Variants in NFIB observed in about 807,000 individuals in gnomAD.
NFIB encodes the protein nuclear factor I B, also known as nuclear factor 1 B-type.
NFIB carries 11 observed loss-of-function variants against 61.5 expected under a neutral mutation model. The observed-to-expected ratio is 0.18, with a 90% confidence interval of 0.11 to 0.30. The LOEUF is 0.30. Ranked by LOEUF, NFIB falls within the 10% of genes least tolerant of loss-of-function variation. The probability of loss-of-function intolerance (pLI) is 1.00; values close to 1 mark genes in which losing one functional copy is unlikely to be tolerated. For missense variants in NFIB, 471 were observed against 608.9 expected, an observed-to-expected ratio of 0.77 and a Z score of 2.38; for synonymous variants, 260 against 216.5, an observed-to-expected ratio of 1.20 and a Z score of -1.76.
intron 1 of NFIB, among the ~76,000 whole-genome samples, chr9:14,375,560 A>T (rs1234977344): frequency 1.3e-5 from 2 of 152,132 alleles, no homozygotes; most frequent in Non-Finnish European, 2.9e-5. Context: ...TGGGAGGCCG[A>T]GGCAGAAGAA....
the NFIB span, among the ~76,000 whole-genome samples, chr9:14,528,774 G>C: frequency 6.6e-6 from 1 of 152,094 alleles, no homozygotes; most frequent in South Asian, 2.1e-4. Context: ...GTACAAAATA[G>C]AATGGAAAGT....
chr9:14,450,444 T>TC, the NFIB span, among the ~76,000 whole-genome samples: 1 of 152,218 alleles, frequency 6.6e-6, no homozygotes, highest in Non-Finnish European at 1.5e-5. Flanking sequence ...TCAAGAACTT[T>TC]CCCCAAGTCT....
chr9:14,394,988 C>T (rs2061665977), intron 1 of NFIB, among the ~76,000 whole-genome samples: 1 of 151,994 alleles, frequency 6.6e-6, no homozygotes, highest in Admixed American at 6.6e-5. Flanking sequence ...TCCCTTATAA[C>T]CTCCTCTGGT....
At chr9:14,142,353 CG>C (rs897986991) in intron 6 of NFIB, among the ~76,000 whole-genome samples, 62 of 152,120 alleles carry the variant, frequency 4.1e-4, no homozygotes, top group African/African-American at 1.5e-3. Flanking sequence ...CCATATAAGA[CG>C]TGACTTGCTC....
chr9:14,526,660 T>C, the NFIB span, among the ~76,000 whole-genome samples: 3 of 152,190 alleles, frequency 2.0e-5, no homozygotes, highest in Non-Finnish European at 2.9e-5. Context: ...AATCACAGCA[T>C]AGAAAATAAC....
chr9:14,271,727 C>A (rs75810523), intron 2 of NFIB, among the ~76,000 whole-genome samples: 1 of 152,228 alleles, frequency 6.6e-6, no homozygotes, highest in East Asian at 1.9e-4. Context: ...GATTAGGGAA[C>A]CTCATGGAAA....
intron 2 of NFIB, among the ~76,000 whole-genome samples, chr9:14,206,952 A>C (rs1307698941): frequency 6.6e-6 from 1 of 152,178 alleles, no homozygotes; most frequent in African/African-American, 2.4e-5. Flanking sequence ...CCACTATTCC[A>C]TACATTGTAT....
intron 3 of NFIB, among the ~76,000 whole-genome samples, chr9:14,164,182 C>T (rs778881412): frequency 6.6e-6 from 1 of 151,222 alleles, no homozygotes; most frequent in Non-Finnish European, 1.5e-5. Context: ...GACAGAAAAA[C>T]CACTTCCATG....
chr9:14,315,475 C>G (rs1212012920), upstream of NFIB, among the ~76,000 whole-genome samples: 1 of 147,610 alleles, frequency 6.8e-6, no homozygotes. Context: ...CCCGGGGCGC[C>G]GGCGGAAAGC....
chr9:14,147,460 A>G (rs945743874), intron 5 of NFIB, among the ~76,000 whole-genome samples: 1 of 152,024 alleles, frequency 6.6e-6, no homozygotes, highest in Non-Finnish European at 1.5e-5. Context: ...TCAAATAGTA[A>G]TTCTTAGTAA....
the NFIB span, among the ~76,000 whole-genome samples, chr9:14,492,756 T>C: frequency 1.3e-5 from 2 of 152,010 alleles, no homozygotes; most frequent in African/African-American, 4.8e-5. Context: ...AACATGAGAT[T>C]TGGGTGAAGA....
rs549342201 is a variant in NFIB, at chr9:14,295,009, T to C, written c.562+11980A>G. On this transcript the variant is annotated intron_variant, in intron 2 of 10. Coordinates refer to ENST00000380953, the MANE Select transcript of NFIB (RefSeq NM_001190737.2). Reference sequence around the variant, plus strand: ...TGAAGTCAAACACGGTGATCCCAAATCACAGTTTCGTAAGAAGTAAATGTT... The same window carrying C: ...TGAAGTCAAACACGGTGATCCCAAACCACAGTTTCGTAAGAAGTAAATGTT... Among the ~76,000 whole-genome samples the C allele has an allele frequency of 8.5e-5, 13 of 152,340 alleles. No individual in the cohort carries two copies. In the South Asian group the frequency reaches 1.0e-3, roughly 12 times the overall value.
intron 2 of NFIB, among the ~76,000 whole-genome samples, chr9:14,181,295 T>C (rs2046744378): frequency 6.6e-6 from 1 of 152,194 alleles, no homozygotes; most frequent in Non-Finnish European, 1.5e-5. Context: ...GGCAGGCATA[T>C]TTAGTGATTC....
chr9:14,365,308 G>A (rs2021306), intron 1 of NFIB, among the ~76,000 whole-genome samples: 27,763 of 152,142 alleles, frequency 0.18, 3,168 homozygotes, highest in Non-Finnish European at 0.24. Flanking sequence ...TCCAATGGTC[G>A]TTTTCAGACC....
chr9:14,512,137 T>C, the NFIB span, among the ~76,000 whole-genome samples: 3 of 152,330 alleles, frequency 2.0e-5, no homozygotes, highest in South Asian at 4.1e-4. Context: ...TTTCTAACTC[T>C]GGGTTTCCCA....
chr9:14,508,447 G>C, the NFIB span, among the ~76,000 whole-genome samples: 174 of 152,258 alleles, frequency 1.1e-3, no homozygotes, highest in African/African-American at 4.1e-3. Flanking sequence ...TTTGATCTAG[G>C]GGTGAGGAGT....
In NFIB at chr9:14,323,530, A is replaced by G. The variant is rs111861970; in HGVS notation, c.109-16010T>C. Among the ~76,000 whole-genome samples the G allele has an allele frequency of 7.9e-5, 12 of 152,364 alleles. 1 individual carries two copies. Among genetic ancestry groups the G allele is most frequent in the African/African-American group, 2.9e-4 (12 of 41,586 alleles). On this transcript the variant is annotated intron_variant, in intron 1 of 8. Coordinates refer to the NFIB transcript ENST00000380934. ...ATTTACTTAGTAGTAACCCACATAC[A>G]TTTAGAAAAGATTTTATTACAGAGA...
intron 3 of NFIB, among the ~76,000 whole-genome samples, chr9:14,172,575 C>T (rs1215483386): frequency 2.6e-5 from 4 of 152,174 alleles, no homozygotes; most frequent in Admixed American, 1.3e-4. Context: ...AAAAGTCACT[C>T]CACCTTTCCT....
At chr9:14,406,503 C>T in the NFIB span, among the ~76,000 whole-genome samples, 1 of 152,136 alleles carries the variant, frequency 6.6e-6, no homozygotes, top group Non-Finnish European at 1.5e-5. Context: ...GTAGACAGTG[C>T]TTTGAGTTCT....
Sources: allele counts gnomAD v4.1 joint callset (sites outside exome capture counted in the v4.1 genomes callset), GRCh38; gene constraint gnomAD v4.1.1; transcripts MANE v1.5; gene names NCBI Gene and HGNC (gene_info 2026-07-23, HGNC 2026-07-21).